UTP6: variants seen among roughly 807,000 people sequenced by gnomAD.
UTP6 encodes UTP6 small subunit processome component, also known as U3 small nucleolar RNA-associated protein 6 homolog.
UTP6 carries 60 observed loss-of-function variants against 96.5 expected under a neutral mutation model. The ratio of observed to expected loss-of-function variants is 0.62; its 90% CI spans 0.51 to 0.77. The LOEUF (loss-of-function observed/expected upper bound fraction) is 0.77. Among genes scored for constraint, UTP6 ranks in the 30% least tolerant of loss-of-function variants. UTP6 has a pLI of 0.00. For synonymous variants in UTP6, 215 were observed against 240.1 expected, an observed-to-expected ratio of 0.90 and a Z score of 0.96; for missense variants, 637 against 706.5, an observed-to-expected ratio of 0.90 and a Z score of 1.12.
rs532682602 is a variant in UTP6 at position 31,876,056 on chromosome 17, C to CA, written c.1126-644dup. Among the ~76,000 whole-genome samples, 178 of 151,642 alleles carry CA rather than the reference C, an allele frequency of 1.2e-3. 1 individual carries two copies. The highest frequency in any genetic ancestry group is 4.0e-3 in the African/African-American group (164 of 41,426). On this transcript the variant is annotated intron_variant, in intron 13 of 18. Transcript: ENST00000261708. ...TTTTTCTTTTTCTTTTTTTTGGAGA[C>CA]AGAGTTTTGCTCTGTAACCCAGCCT...
At chr17:31,891,981 C>A (rs548936401) in intron 6 of UTP6, among the ~76,000 whole-genome samples, 1 of 152,288 alleles carries the variant, frequency 6.6e-6, no homozygotes, top group African/African-American at 2.4e-5. Context: ...CAAGATCACA[C>A]CACTGCCCTC....
At chr17:31,892,052 C>A (rs1904350895) in intron 6 of UTP6, 1 of 562,422 alleles carries the variant, frequency 1.8e-6, no homozygotes, top group Non-Finnish European at 3.2e-6. Flanking sequence ...TCCTTCTTGC[C>A]TGCAGATACA....
chr17:31,901,708 C>T lies in UTP6; in HGVS notation c.-81G>A. 7.5e-7 allele frequency: 1 copy of T among 1,341,986 alleles called. No homozygotes were observed. Among genetic ancestry groups the T allele is most frequent in the Non-Finnish European group, 1.1e-6 (1 of 945,208 alleles). 83.1% of individuals were successfully genotyped at this position (1,341,986 alleles called of 1,614,324 possible). On this transcript the variant is annotated 5_prime_UTR_variant, in exon 1 of 19. Transcript: ENST00000261708. ...AAGCTCCCGGTTTCAGGTTCGGAGA[C>T]CCAGCCCTACCACCGACGCGTCCGG...
chr17:31,899,813 T>G (rs1904867614), intron 1 of UTP6, 83 bp from the exon 2 acceptor site: 1 of 1,016,240 alleles, frequency 9.8e-7, no homozygotes, highest in African/African-American at 1.7e-5. Flanking sequence ...TTAAAACATG[T>G]TTTTCAAAAT....
At position 31,878,331 on chromosome 17, in the gene UTP6, A is replaced by G; in HGVS notation, c.1048-4T>C. On this transcript the variant is annotated splice_polypyrimidine_tract_variant and splice_region_variant and intron_variant, in intron 12 of 18. Transcript: ENST00000261708. ...CAGTCATGGTTCTTTCCAACCTCTG[A>G]AAACAGAAAAATCCCTCAGTTCATT... is the stretch of plus-strand genomic sequence containing the variant. 1 of 1,614,126 alleles carries G rather than the reference A, an allele frequency of 6.2e-7. No individual in the cohort carries two copies.
Position 31,878,439 on chromosome 17 carries a change from T to G in UTP6, c.1048-112A>C, listed in dbSNP as rs8080862. 1,013 of 1,074,630 alleles carry G rather than the reference T, an allele frequency of 9.4e-4. 5 individuals are homozygous for G. The African/African-American group carries it at 0.014, about 15-fold the overall frequency. 66.6% of individuals were successfully genotyped at this position (1,074,630 alleles called of 1,614,324 possible). ...TTTCTTAAAATTCAAAGAAGCTGAC[T>G]TGCTCCTGCATGGTGGTTTCACTTA... is the stretch of plus-strand genomic sequence containing the variant. On this transcript the variant is annotated intron_variant, in intron 12 of 18. Transcript: ENST00000261708.
Position 31,893,430 on chromosome 17 carries a change from CA to C in UTP6, c.313-637del, listed in dbSNP as rs1295621293. Among the ~76,000 whole-genome samples the C allele has an allele frequency of 7.0e-3, 353 of 50,610 alleles. 1 individual carries two copies. The East Asian group carries it at 0.12, about 17-fold the overall frequency. The allele number at this position is 50,610 out of a possible 152,430, so 33.2% of individuals were successfully genotyped here. A position where few individuals can be genotyped will look rare whatever the true frequency, so the allele number is the denominator to read the frequency against. ...TGGGTGACAGAGCAAGACTCCACCT[CA>C]AAAAAAAAAAAAAAAAAAAGCCAGG... On this transcript the variant is annotated intron_variant, in intron 4 of 18. Transcript: ENST00000261708.
rs1909543080 is a variant in UTP6 at position 31,861,049 on chromosome 17, A to C, written c.*2310T>G. ...AGGAAGAGCTTCCAAAGCATTTTAA[A>C]AACAGACATCACACATACACACACA... On this transcript the variant is annotated 3_prime_UTR_variant, in exon 19 of 19. Transcript: ENST00000261708. 1 of 152,210 alleles carries C rather than the reference A, an allele frequency of 6.6e-6. No individual in the cohort carries two copies. The highest frequency in any genetic ancestry group is 2.4e-5 in the African/African-American group (1 of 41,534). 9.4% of individuals were successfully genotyped at this position (152,210 alleles called of 1,614,324 possible).
intron 1 of UTP6, among the ~76,000 whole-genome samples, chr17:31,901,026 C>T (rs1904951284): frequency 6.6e-6 from 1 of 152,178 alleles, no homozygotes; most frequent in South Asian, 2.1e-4. Flanking sequence ...TAACACGCTA[C>T]TGAATGTCTA....
At chr17:31,883,053 G>A (rs1396931219) in intron 10 of UTP6, among the ~76,000 whole-genome samples, 1 of 152,066 alleles carries the variant, frequency 6.6e-6, no homozygotes, top group Non-Finnish European at 1.5e-5. Context: ...AAAATTACCA[G>A]CCAGGTGTAA....
intron 11 of UTP6, 99 bp from the exon 12 acceptor site, chr17:31,878,880 C>G: frequency 1.8e-6 from 2 of 1,110,320 alleles, no homozygotes; most frequent in Admixed American, 4.4e-5. Context: ...TCATCCTACA[C>G]CTTTACTTCA....
At position 31,875,239 on chromosome 17, in the gene UTP6, G is replaced by C; in HGVS notation, c.1300C>G (p.Pro434Ala). The C allele has an allele frequency of 6.2e-7, 1 of 1,613,964 alleles. No individual in the cohort carries two copies. Among genetic ancestry groups the C allele is most frequent in the Non-Finnish European group, 8.5e-7 (1 of 1,179,962 alleles). ...LFEEAFVHLK[P>A]QVCLPLWISW... ...AAAAGATCCAGCTCACTGACCTGGGGTTTCAGGTGCACAAAGGCTTCTTCA... is the reference window on the plus strand; with the variant it reads ...AAAAGATCCAGCTCACTGACCTGGGCTTTCAGGTGCACAAAGGCTTCTTCA... The change falls in exon 14 of 19, where the codon CCC (proline) becomes GCC (alanine). Residue 434 changes from proline (P) to alanine (A), a missense_variant. Transcript: ENST00000261708.
intron 6 of UTP6, among the ~76,000 whole-genome samples, chr17:31,891,989 C>T (rs1904346199): frequency 6.6e-6 from 1 of 152,166 alleles, no homozygotes; most frequent in African/African-American, 2.4e-5. Context: ...CACCACTGCC[C>T]TCCAGCCTGG....
Position 31,901,680 on chromosome 17 carries a change from A to C in UTP6, c.-53T>G, listed in dbSNP as rs910310702. ...TAGCTTCTCAACAGCGAACACGAGC[A>C]GGAAGCTCCCGGTTTCAGGTTCGGA... On this transcript the variant is annotated 5_prime_UTR_variant, in exon 1 of 19. Coordinates refer to ENST00000261708, the MANE Select transcript of UTP6 (RefSeq NM_018428.3). 2.5e-6 allele frequency: 4 copies of C among 1,574,734 alleles called. No individual in the cohort carries two copies. The highest frequency in any genetic ancestry group is 2.6e-6 in the Non-Finnish European group (3 of 1,149,880).
In UTP6 at chr17:31,901,685, G is replaced by T; in HGVS notation, c.-58C>A. 1 of 1,564,174 alleles carries T rather than the reference G, an allele frequency of 6.4e-7. No individual in the cohort carries two copies. The highest frequency in any genetic ancestry group is 8.8e-7 in the Non-Finnish European group (1 of 1,141,394). ...TCTCAACAGCGAACACGAGCAGGAA[G>T]CTCCCGGTTTCAGGTTCGGAGACCC... On this transcript the variant is annotated 5_prime_UTR_variant, in exon 1 of 19. Transcript: ENST00000261708.
intron 17 of UTP6, 90 bp downstream of exon 17, chr17:31,867,956 A>AAAAAAAAC: frequency 3.0e-6 from 4 of 1,330,084 alleles, no homozygotes; most frequent in African/African-American, 1.5e-5. Flanking sequence ...ACTCTGCCTC[A>AAAAAAAAC]AAAAAAACAA....
chr17:31,861,744 T>C lies in UTP6; in HGVS notation c.*1615A>G, dbSNP rs1474761216. The C allele has an allele frequency of 6.6e-6, 1 of 152,186 alleles. No individual in the cohort carries two copies. Among genetic ancestry groups the C allele is most frequent in the African/African-American group, 2.4e-5 (1 of 41,438 alleles). 9.4% of individuals were successfully genotyped at this position (152,186 alleles called of 1,614,324 possible). A position where few individuals can be genotyped will look rare whatever the true frequency, so the allele number is the denominator to read the frequency against. Reference sequence around the variant, plus strand: ...ATCAAAGTATGGTAAAACAATGACATATCACATTTCACCTATAAAATGGTA... The same window carrying C: ...ATCAAAGTATGGTAAAACAATGACACATCACATTTCACCTATAAAATGGTA... On this transcript the variant is annotated 3_prime_UTR_variant, in exon 19 of 19. Transcript: ENST00000261708.
chr17:31,899,159 T>C lies in UTP6; in HGVS notation c.177+487A>G, dbSNP rs1044530633. 7.2e-5 allele frequency among the ~76,000 whole-genome samples: 11 copies of C among 152,104 alleles called. No homozygotes were observed. In the East Asian group the frequency reaches 1.9e-3, roughly 27 times the overall value. On this transcript the variant is annotated intron_variant, in intron 2 of 18. Coordinates refer to ENST00000261708, the MANE Select transcript of UTP6 (RefSeq NM_018428.3). ...AAAAAACACAAAAGCTAGCCAGCCA[T>C]ACTGGCACACACCTGTAGTCCCAGC...
rs528717608 is a variant in UTP6, at chr17:31,896,934, A to C, written c.178-1923T>G. ...TCCAGAAATTTGTATTTTGAACACA[A>C]TCAAATAAATCAGTCTTTTCTCTCA... On this transcript the variant is annotated intron_variant, in intron 2 of 18. Transcript: ENST00000261708. Among the ~76,000 whole-genome samples, 4 of 152,174 alleles carry C rather than the reference A, an allele frequency of 2.6e-5. No homozygotes were observed. The South Asian group carries it at 8.3e-4, about 32-fold the overall frequency.
Sources: gnomAD v4.1 joint callset for allele counts (sites outside exome capture counted in the v4.1 genomes callset) on GRCh38, gnomAD v4.1.1 for gene constraint, MANE v1.5 for transcripts, NCBI Gene and HGNC (gene_info 2026-07-23, HGNC 2026-07-21) for gene names.